AP3S1: variants seen among roughly 807,000 people sequenced by gnomAD.
The protein encoded by AP3S1 is adaptor related protein complex 3 subunit sigma 1.
Under a neutral mutation model 21.3 loss-of-function variants are expected in AP3S1, and 12 were observed. The observed-to-expected ratio is 0.56, with a 90% CI of 0.36 to 0.91. AP3S1 has a LOEUF of 0.91. Ranked by LOEUF, AP3S1 falls within the 40% of genes least tolerant of loss-of-function variation. The pLI is 0.01. For synonymous variants in AP3S1, 48 were observed against 78.4 expected, an observed-to-expected ratio of 0.61 and a Z score of 2.05; for missense variants, 116 against 225.0, an observed-to-expected ratio of 0.52 and a Z score of 3.10.
chr5:115,912,583 A>T (rs1001202534), intron 5 of AP3S1, among the ~76,000 whole-genome samples: 1 of 152,028 alleles, frequency 6.6e-6, no homozygotes, highest in Admixed American at 6.5e-5. Context: ...ATTTATTTAT[A>T]TTTACTACCT....
intron 3 of AP3S1, among the ~76,000 whole-genome samples, chr5:115,890,344 T>C (rs902513504): frequency 6.6e-6 from 1 of 152,212 alleles, no homozygotes; most frequent in Admixed American, 6.5e-5. Flanking sequence ...TTGTATTATG[T>C]AATAACCTGA....
At chr5:115,874,459 G>C (rs1327309108) in intron 3 of AP3S1, among the ~76,000 whole-genome samples, 1 of 151,964 alleles carries the variant, frequency 6.6e-6, no homozygotes, top group African/African-American at 2.4e-5. Context: ...AAATTCACTG[G>C]ATAATTCCAA....
intron 1 of AP3S1, among the ~76,000 whole-genome samples, chr5:115,849,800 A>G (rs1396575709): frequency 3.3e-5 from 5 of 152,048 alleles, no homozygotes; most frequent in Admixed American, 1.3e-4. Context: ...GTGTGTGCCT[A>G]TAGTCCCAGC....
chr5:115,843,496 T>C (rs985511064), intron 1 of AP3S1, among the ~76,000 whole-genome samples: 1 of 152,250 alleles, frequency 6.6e-6, no homozygotes, highest in Non-Finnish European at 1.5e-5. Context: ...AAATTCTACA[T>C]CATTCTTTAA....
In AP3S1 at chr5:115,867,232, G is replaced by T. The variant is rs150185690; in HGVS notation, c.161+471G>T. 5.1e-3 allele frequency among the ~76,000 whole-genome samples: 771 copies of T among 152,172 alleles called. 2 individuals carry two copies. The highest frequency in any genetic ancestry group is 7.0e-3 in the South Asian group (34 of 4,826). Reference sequence around the variant, plus strand: ...TCAGTATTTTCAAAAGCTTTGCATAGAAACACATCTAGGACAAGCTTATTC... The same window carrying T: ...TCAGTATTTTCAAAAGCTTTGCATATAAACACATCTAGGACAAGCTTATTC... On this transcript the variant is annotated intron_variant, in intron 2 of 5. Coordinates refer to ENST00000316788, the MANE Select transcript of AP3S1 (RefSeq NM_001284.4).
At chr5:115,875,336 C>T (rs1748616255) in intron 3 of AP3S1, among the ~76,000 whole-genome samples, 1 of 152,110 alleles carries the variant, frequency 6.6e-6, no homozygotes, top group Non-Finnish European at 1.5e-5. Flanking sequence ...CATCACCTGG[C>T]AAATTATGGC....
At chr5:115,862,237 G>A (rs1763253367) in intron 1 of AP3S1, among the ~76,000 whole-genome samples, 1 of 151,760 alleles carries the variant, frequency 6.6e-6, no homozygotes. Context: ...CTTACACACA[G>A]CTTTTTTTCA....
At chr5:115,902,120 A>C (rs937857356) in intron 4 of AP3S1, among the ~76,000 whole-genome samples, 3 of 152,212 alleles carry the variant, frequency 2.0e-5, no homozygotes, top group African/African-American at 7.2e-5. Flanking sequence ...GTCTGTATTC[A>C]TACTTATCTA....
intron 5 of AP3S1, among the ~76,000 whole-genome samples, chr5:115,910,864 A>G (rs372661049): frequency 6.6e-6 from 1 of 152,126 alleles, no homozygotes; most frequent in Non-Finnish European, 1.5e-5. Context: ...ACAACTTTAA[A>G]TTTTCCTACC....
intron 5 of AP3S1, among the ~76,000 whole-genome samples, chr5:115,911,030 A>G (rs1271165704): frequency 6.6e-6 from 1 of 152,102 alleles, no homozygotes; most frequent in East Asian, 1.9e-4. Context: ...TTGTACTTAG[A>G]AACTTCTTTT....
intron 3 of AP3S1, among the ~76,000 whole-genome samples, chr5:115,882,668 G>C (rs2112876504): frequency 6.6e-6 from 1 of 152,174 alleles, no homozygotes; most frequent in East Asian, 1.9e-4. Flanking sequence ...CAGTTAGGAG[G>C]CACGGGGGTC....
chr5:115,857,374 G>A (rs531159860), intron 1 of AP3S1, among the ~76,000 whole-genome samples: 1 of 152,270 alleles, frequency 6.6e-6, no homozygotes, highest in Non-Finnish European at 1.5e-5. Flanking sequence ...CCACCATGAG[G>A]TAGATATTGT....
chr5:115,853,806 A>C (rs1762612641), intron 1 of AP3S1, among the ~76,000 whole-genome samples: 1 of 152,118 alleles, frequency 6.6e-6, no homozygotes, highest in Admixed American at 6.6e-5. Flanking sequence ...TCCAGCTACC[A>C]CCATGGTTGA....
chr5:115,879,815 C>G (rs759317043), intron 3 of AP3S1, among the ~76,000 whole-genome samples: 2 of 152,138 alleles, frequency 1.3e-5, no homozygotes, highest in Middle Eastern at 6.3e-3. Context: ...TAGAATTCGG[C>G]TGTCAACCTG....
intron 1 of AP3S1, among the ~76,000 whole-genome samples, chr5:115,851,336 A>G (rs961821001): frequency 6.6e-6 from 1 of 152,202 alleles, no homozygotes; most frequent in Non-Finnish European, 1.5e-5. Flanking sequence ...TTATAGGTAC[A>G]TACCCAGAAG....
intron 3 of AP3S1, among the ~76,000 whole-genome samples, chr5:115,887,076 T>C (rs1749850013): frequency 6.6e-6 from 1 of 152,208 alleles, no homozygotes; most frequent in African/African-American, 2.4e-5. Context: ...GTACATGCAG[T>C]GGGTACCTAT....
rs1761566209 is a variant in AP3S1, at chr5:115,841,938, G to A, written c.-100G>A. ...AGCGCGCGCGGTCGCGTGCGGGAGG[G>A]GGCGGGTGGGGAAGGATCGCAGGCG... On this transcript the variant is annotated 5_prime_UTR_variant, in exon 1 of 6. Coordinates refer to ENST00000316788, the MANE Select transcript of AP3S1 (RefSeq NM_001284.4). 2 of 1,509,592 alleles carry A rather than the reference G, an allele frequency of 1.3e-6. No homozygotes were observed. The highest frequency in any genetic ancestry group is 2.2e-4 in the Middle Eastern group (1 of 4,446). The allele number at this position is 1,509,592 out of a possible 1,614,324, so 93.5% of individuals were successfully genotyped here.
At chr5:115,878,331 T>G (rs753681630) in intron 3 of AP3S1, among the ~76,000 whole-genome samples, 1 of 152,246 alleles carries the variant, frequency 6.6e-6, no homozygotes, top group Admixed American at 6.5e-5. Flanking sequence ...TTTATGGTTT[T>G]GGGTCTTACG....
chr5:115,858,974 C>T (rs1483106974), intron 1 of AP3S1, among the ~76,000 whole-genome samples: 1 of 150,758 alleles, frequency 6.6e-6, no homozygotes, highest in Non-Finnish European at 1.5e-5. Context: ...ACTTTAAATT[C>T]TGGGATACAT....
Sources: gnomAD v4.1 joint callset for allele counts (sites outside exome capture counted in the v4.1 genomes callset) on GRCh38, gnomAD v4.1.1 for gene constraint, MANE v1.5 for transcripts, NCBI Gene and HGNC (gene_info 2026-07-23, HGNC 2026-07-21) for gene names.